DZIP3: variants seen among roughly 807,000 people sequenced by gnomAD.
DZIP3 encodes DAZ interacting zinc finger protein 3.
Under a neutral mutation model 162.0 loss-of-function variants are expected in DZIP3, and 118 were observed. The ratio of observed to expected loss-of-function variants is 0.73; its 90% CI spans 0.63 to 0.85. DZIP3 has a LOEUF of 0.85. Ranked by LOEUF, DZIP3 falls within the 40% of genes least tolerant of loss-of-function variation. The pLI, the probability that DZIP3 is intolerant of heterozygous loss-of-function variation, is 0.00. For synonymous variants in DZIP3, 438 were observed against 458.6 expected (o/e 0.96, Z 0.57); for missense variants, 1,331 against 1,407.0 (o/e 0.95, Z 0.86).
At chr3:108,631,014 C>CACACACACACACACAT (rs1941813336) in intron 8 of DZIP3, among the ~76,000 whole-genome samples, 1 of 31,844 alleles carries the variant, frequency 3.1e-5, no homozygotes, top group Non-Finnish European at 5.7e-5. Flanking sequence ...CCCCTACACA[C>CACACACACACACACAT]ACACACACAC....
intron 31 of DZIP3, among the ~76,000 whole-genome samples, chr3:108,690,525 C>G (rs553813766): frequency 1.3e-5 from 2 of 152,026 alleles, no homozygotes; most frequent in Non-Finnish European, 2.9e-5. Context: ...GGAAGGATTG[C>G]TAGTCATCTT....
chr3:108,684,653 C>A (rs561657109), intron 27 of DZIP3, among the ~76,000 whole-genome samples: 2 of 152,000 alleles, frequency 1.3e-5, no homozygotes, highest in Non-Finnish European at 2.9e-5. Flanking sequence ...ATTTTTTTGG[C>A]ATGGTTGTTG....
intron 12 of DZIP3, among the ~76,000 whole-genome samples, chr3:108,637,909 A>C (rs1942231395): frequency 6.6e-6 from 1 of 152,214 alleles, no homozygotes; most frequent in African/African-American, 2.4e-5. Flanking sequence ...TGTTTCTTAC[A>C]TGAGAAAACT....
chr3:108,618,181 G>C (rs1465984617), intron 5 of DZIP3, among the ~76,000 whole-genome samples: 1 of 152,182 alleles, frequency 6.6e-6, no homozygotes, highest in Non-Finnish European at 1.5e-5. Context: ...AGGAGAAAAG[G>C]ACAGGGGCTT....
intron 8 of DZIP3, among the ~76,000 whole-genome samples, chr3:108,632,453 A>C (rs1314904686): frequency 1.3e-5 from 2 of 152,182 alleles, no homozygotes; most frequent in African/African-American, 4.8e-5. Flanking sequence ...TTTGTAACTA[A>C]AGACATTGAA....
chr3:108,595,564 C>T lies in DZIP3; in HGVS notation c.-73+5725C>T, dbSNP rs1356147625. 3.3e-5 allele frequency among the ~76,000 whole-genome samples: 5 copies of T among 152,052 alleles called. 1 individual carries two copies. The highest frequency in any genetic ancestry group is 3.9e-4 in the East Asian group (2 of 5,194). On this transcript the variant is annotated intron_variant, in intron 1 of 32. Transcript: ENST00000361582. ...CTTTAGATTTTGCATAGATATTTTC[C>T]GTAATTTATAGTTTCAGAAATACAC...
At chr3:108,676,841 T>G (rs1472806536) in intron 25 of DZIP3, among the ~76,000 whole-genome samples, 1 of 152,136 alleles carries the variant, frequency 6.6e-6, no homozygotes, top group Non-Finnish European at 1.5e-5. Context: ...TTTTGTTTTA[T>G]AAGACTTTCC....
chr3:108,669,762 C>T lies in DZIP3; in HGVS notation c.2492+13C>T. The T allele has an allele frequency of 1.2e-6, 2 of 1,601,118 alleles. No homozygotes were observed. The highest frequency in any genetic ancestry group is 1.1e-5 in the South Asian group (1 of 90,460). ...TTTCTATGAAAAGGTACAAACTTAGCTTTTTCTTTGGGTGCACTCTCTCTG... is the reference window on the plus strand; with the variant it reads ...TTTCTATGAAAAGGTACAAACTTAGTTTTTTCTTTGGGTGCACTCTCTCTG... On this transcript the variant is annotated intron_variant, in intron 22 of 32. Transcript: ENST00000361582.
chr3:108,636,484 C>T (rs1942152284), intron 10 of DZIP3, 132 bp from the exon 11 acceptor site: 2 of 524,546 alleles, frequency 3.8e-6, no homozygotes, highest in East Asian at 7.1e-5. Flanking sequence ...TTAACAGCTA[C>T]ATGTCAAATA....
rs1023214130 is a variant in DZIP3, at chr3:108,689,161, A to G, written c.3516+237A>G. Among the ~76,000 whole-genome samples the G allele has an allele frequency of 3.9e-5, 6 of 152,198 alleles. No homozygotes were observed. In the East Asian group the frequency reaches 7.7e-4, roughly 20 times the overall value. ...AGAAGGGGACAATGTTGAGAGTCAG[A>G]TGGTACACAGTAGGCAGTTCCTTCG... On this transcript the variant is annotated intron_variant, in intron 31 of 32. Coordinates refer to ENST00000361582, the MANE Select transcript of DZIP3 (RefSeq NM_014648.4).
At position 108,605,522 on chromosome 3, in the gene DZIP3, G is replaced by T; in HGVS notation, c.32+84G>T. The T allele has an allele frequency of 2.1e-6, 3 of 1,424,844 alleles. No homozygotes were observed. The South Asian group carries it at 3.5e-5, about 17-fold the overall frequency. The allele number at this position is 1,424,844 out of a possible 1,614,324, so 88.3% of individuals were successfully genotyped here. On this transcript the variant is annotated intron_variant, in intron 2 of 32. Transcript: ENST00000361582. ...TTTCCACGGATGGTGGGGGTGCGGG[G>T]AATGGTTTTGGGGTGAAACTGTTCG...
At chr3:108,672,963 C>A (rs1287159896) in intron 23 of DZIP3, among the ~76,000 whole-genome samples, 2 of 151,850 alleles carry the variant, frequency 1.3e-5, no homozygotes, top group African/African-American at 4.8e-5. Context: ...GTCACTAAGC[C>A]AAACTTCTAA....
chr3:108,621,883 C>T (rs545722960), intron 5 of DZIP3, among the ~76,000 whole-genome samples: 9 of 151,952 alleles, frequency 5.9e-5, no homozygotes, highest in South Asian at 2.1e-4. Context: ...GAATAAATAA[C>T]GAAAATATGG....
At chr3:108,634,419 C>T (rs1019281335) in intron 9 of DZIP3, among the ~76,000 whole-genome samples, 6 of 152,048 alleles carry the variant, frequency 3.9e-5, no homozygotes, top group African/African-American at 1.2e-4. Flanking sequence ...AATCTATACC[C>T]TCGGATTATG....
chr3:108,612,777 CTATT>C (rs1299468142), intron 4 of DZIP3, among the ~76,000 whole-genome samples: 2 of 151,848 alleles, frequency 1.3e-5, no homozygotes, highest in African/African-American at 4.8e-5. Context: ...TGTATTCTTT[CTATT>C]TATTTATTTA....
chr3:108,653,505 GTGTATATATATATATA>G (rs1942960561), intron 18 of DZIP3, among the ~76,000 whole-genome samples: 1 of 67,830 alleles, frequency 1.5e-5, no homozygotes, highest in African/African-American at 6.0e-5. Context: ...TTGTGTGTGT[GTGTATATATATATATA>G]TATATATATA....
At chr3:108,658,288 G>A (rs1247982669) in intron 19 of DZIP3, among the ~76,000 whole-genome samples, 1 of 152,120 alleles carries the variant, frequency 6.6e-6, no homozygotes, top group African/African-American at 2.4e-5. Context: ...ATAACAAACT[G>A]TCTCTCAGAC....
intron 1 of DZIP3, among the ~76,000 whole-genome samples, chr3:108,591,511 C>T (rs1939419342): frequency 6.6e-6 from 1 of 152,204 alleles, no homozygotes; most frequent in African/African-American, 2.4e-5. Context: ...AGCAGTCATA[C>T]AAATTTTGTA....
chr3:108,617,198 A>G (rs1416597987), intron 5 of DZIP3, among the ~76,000 whole-genome samples: 2 of 152,206 alleles, frequency 1.3e-5, no homozygotes, highest in African/African-American at 4.8e-5. Flanking sequence ...ATTGTACAAC[A>G]TAGTGACTAT....
Sources: gnomAD v4.1 joint callset for allele counts (sites outside exome capture counted in the v4.1 genomes callset) on GRCh38, gnomAD v4.1.1 for gene constraint, MANE v1.5 for transcripts, NCBI Gene and HGNC (gene_info 2026-07-23, HGNC 2026-07-21) for gene names.